The following ARMC3 variants were observed in gnomAD, a reference collection of about 807,000 sequenced individuals.
The protein encoded by ARMC3 is armadillo repeat containing 3, also known as armadillo repeat-containing protein 3.
A neutral mutation model predicts 90.3 loss-of-function variants in ARMC3; 74 were observed. That is an observed-to-expected ratio of 0.82 (90% CI 0.68 to 0.99). ARMC3 has a LOEUF of 0.99. Among genes scored for constraint, ARMC3 ranks in the 50% least tolerant of loss-of-function variants. The probability of loss-of-function intolerance (pLI) is 0.00; values close to 1 mark genes in which losing one functional copy is unlikely to be tolerated. For missense variants in ARMC3, 958 were observed against 1,042.8 expected (o/e 0.92, Z 1.12); for synonymous variants, 334 against 361.8 (o/e 0.92, Z 0.87).
At chr10:22,972,690 C>T (rs562543048) in intron 8 of ARMC3, among the ~76,000 whole-genome samples, 2 of 152,184 alleles carry the variant, frequency 1.3e-5, no homozygotes, top group African/African-American at 2.4e-5. Context: ...TCTCTCTCCA[C>T]GCATGTCCCC....
intron 16 of ARMC3, chr10:23,014,036 T>C (rs1838155336): frequency 6.6e-7 from 1 of 1,515,232 alleles, no homozygotes; most frequent in Non-Finnish European, 9.0e-7. Context: ...TATAAACAAA[T>C]GAGAATAATT....
At chr10:23,023,240 G>A (rs911022040) in intron 16 of ARMC3, among the ~76,000 whole-genome samples, 5 of 152,126 alleles carry the variant, frequency 3.3e-5, no homozygotes, top group Non-Finnish European at 7.3e-5. Context: ...ACCAGTGGGA[G>A]TCCCAGCAGC....
intron 1 of ARMC3, among the ~76,000 whole-genome samples, chr10:22,929,633 C>G (rs560823451): frequency 6.6e-6 from 1 of 152,168 alleles, no homozygotes; most frequent in Non-Finnish European, 1.5e-5. Context: ...TTGCAACCTC[C>G]GCCTCCCGGC....
intron 16 of ARMC3, among the ~76,000 whole-genome samples, chr10:23,017,161 G>T (rs545555054): frequency 3.9e-5 from 6 of 152,000 alleles, no homozygotes; most frequent in Middle Eastern, 6.8e-3. Context: ...TTATTAGAAT[G>T]CATGGTGGGT....
In ARMC3 at chr10:23,037,450, C is replaced by A; in HGVS notation, c.2590C>A (p.Arg864=). ...AGGTGGACTGATGAAGTTGAGAAGTCGAGAGGCTGATCTTTACAGATTCAT... is the reference window on the plus strand; with the variant it reads ...AGGTGGACTGATGAAGTTGAGAAGTAGAGAGGCTGATCTTTACAGATTCAT... The part of the protein sequence containing the change: ...HPGGLMKLRS[R]EADLYRFI Residue 864 remains arginine (R), a synonymous_variant, in exon 19 of 19, where the codon CGA becomes AGA. Coordinates refer to ENST00000298032, the MANE Select transcript of ARMC3 (RefSeq NM_173081.5). 1 of 1,613,824 alleles carries A rather than the reference C, an allele frequency of 6.2e-7. No individual in the cohort carries two copies. Among genetic ancestry groups the A allele is most frequent in the Non-Finnish European group, 8.5e-7 (1 of 1,179,866 alleles).
intron 8 of ARMC3, among the ~76,000 whole-genome samples, chr10:22,970,285 G>T (rs1190600039): frequency 2.6e-5 from 4 of 152,162 alleles, no homozygotes; most frequent in Admixed American, 6.6e-5. Flanking sequence ...TTCTGAGAAG[G>T]AACAGGGTGT....
At position 23,030,763 on chromosome 10, in the gene ARMC3, C is replaced by G. The variant is rs750053641; in HGVS notation, c.2213C>G (p.Thr738Ser). ...YEVTKSILPI[T>S]NIKEQIEDLA... ...GTGACCAAATCAATACTGCCAATAA[C>G]CAATATTAAGGAACAGATTGAGGAT... The change falls in exon 17 of 19, where the codon ACC becomes AGC. Residue 738 changes from threonine (T) to serine (S), a missense_variant. Thr to Ser is a moderately conservative substitution (Grantham distance 58, BLOSUM62 1). Coordinates refer to ENST00000298032, the MANE Select transcript of ARMC3 (RefSeq NM_173081.5). 1 of 1,613,552 alleles carries G rather than the reference C, an allele frequency of 6.2e-7. No homozygotes were observed. Among genetic ancestry groups the G allele is most frequent in the Admixed American group, 1.7e-5 (1 of 59,960 alleles).
At chr10:22,992,430 G>C (rs1046424070) in intron 10 of ARMC3, among the ~76,000 whole-genome samples, 58 of 152,068 alleles carry the variant, frequency 3.8e-4, no homozygotes, top group African/African-American at 1.2e-3. Context: ...TTTGCGGGGG[G>C]CATTTTTCTT....
At chr10:22,979,931 T>C (rs1005401144) in intron 8 of ARMC3, among the ~76,000 whole-genome samples, 3 of 152,130 alleles carry the variant, frequency 2.0e-5, no homozygotes, top group African/African-American at 7.2e-5. Flanking sequence ...CCAGATTATT[T>C]AATATATATC....
intron 16 of ARMC3, among the ~76,000 whole-genome samples, chr10:23,012,563 G>A (rs187192133): frequency 4.6e-5 from 7 of 152,036 alleles, no homozygotes; most frequent in Admixed American, 2.0e-4. Flanking sequence ...ATTGTTCACC[G>A]CAGCTCCCAA....
At chr10:22,972,369 T>C (rs1433539342) in intron 8 of ARMC3, among the ~76,000 whole-genome samples, 1 of 152,180 alleles carries the variant, frequency 6.6e-6, no homozygotes, top group Non-Finnish European at 1.5e-5. Context: ...GGGTATAAAA[T>C]TATGGTCCCA....
chr10:22,928,991 CTGAG>C (rs1254179460), intron 1 of ARMC3, among the ~76,000 whole-genome samples: 28 of 152,294 alleles, frequency 1.8e-4, no homozygotes, highest in South Asian at 8.3e-4. Context: ...CTTTGGGAGG[CTGAG>C]GCGGGTGGAT....
At chr10:23,015,588 T>C (rs1838237426) in intron 16 of ARMC3, among the ~76,000 whole-genome samples, 1 of 152,242 alleles carries the variant, frequency 6.6e-6, no homozygotes, top group Non-Finnish European at 1.5e-5. Flanking sequence ...CTTTTTCATA[T>C]CCTCTTTCCA....
chr10:22,968,481 C>T lies in ARMC3; in HGVS notation c.908C>T (p.Ala303Val). 2 of 1,578,646 alleles carry T rather than the reference C, an allele frequency of 1.3e-6. No individual in the cohort carries two copies. Among genetic ancestry groups the T allele is most frequent in the Non-Finnish European group, 1.7e-6 (2 of 1,166,894 alleles). ...KNAAKAITKA[A>V]YDPENRKLFH... ...GCAGCAAAAGCCATTACTAAAGCAG[C>T]TTATGATCGTATGTCTCATTTTATT... The change falls in exon 8 of 19, where the codon GCT becomes GTT. Residue 303 changes from alanine to valine, a missense_variant. Coordinates refer to ENST00000298032, the MANE Select transcript of ARMC3 (RefSeq NM_173081.5).
chr10:22,990,988 G>A (rs984709302), intron 10 of ARMC3, among the ~76,000 whole-genome samples: 1 of 150,570 alleles, frequency 6.6e-6, no homozygotes, highest in Non-Finnish European at 1.5e-5. Context: ...TGCTTCCTCT[G>A]CCTCCTCCTC....
intron 10 of ARMC3, among the ~76,000 whole-genome samples, chr10:22,986,687 C>T (rs761994736): frequency 6.6e-6 from 1 of 151,992 alleles, no homozygotes; most frequent in African/African-American, 2.4e-5. Flanking sequence ...TCAATAATGG[C>T]CATTACTTAA....
At chr10:22,948,906 G>C (rs768673971) in intron 3 of ARMC3, among the ~76,000 whole-genome samples, 7 of 152,198 alleles carry the variant, frequency 4.6e-5, no homozygotes, top group Non-Finnish European at 1.0e-4. Context: ...GTAGTGAACA[G>C]CATGTACATG....
chr10:23,003,231 T>G lies in ARMC3; in HGVS notation c.1563-15T>G. ...CTTGTATAAAGCAAATAATGCTTTT[T>G]GCTTTTATTGACAGGGCTTTAGATA... On this transcript the variant is annotated splice_polypyrimidine_tract_variant and intron_variant, in intron 12 of 18. Coordinates refer to ENST00000298032, the MANE Select transcript of ARMC3 (RefSeq NM_173081.5). 6.2e-7 allele frequency: 1 copy of G among 1,606,014 alleles called. No individual in the cohort carries two copies. Among genetic ancestry groups the G allele is most frequent in the Middle Eastern group, 1.7e-4 (1 of 5,800 alleles).
chr10:22,937,610 T>G (rs1023407545), intron 2 of ARMC3, among the ~76,000 whole-genome samples: 4 of 152,156 alleles, frequency 2.6e-5, no homozygotes, highest in African/African-American at 9.7e-5. Context: ...TGGAAACTCC[T>G]CCTTCTGAAA....
Sources: allele counts gnomAD v4.1 joint callset (sites outside exome capture counted in the v4.1 genomes callset), GRCh38; gene constraint gnomAD v4.1.1; transcripts MANE v1.5; gene names NCBI Gene and HGNC (gene_info 2026-07-23, HGNC 2026-07-21).